GXYLT1: variants seen among roughly 807,000 people sequenced by gnomAD.
GXYLT1 encodes the protein glucoside xylosyltransferase 1.
GXYLT1 carries 29 observed loss-of-function variants against 54.0 expected under a neutral mutation model. The ratio of observed to expected loss-of-function variants is 0.54; its 90% confidence interval spans 0.40 to 0.73. The LOEUF is 0.73. Among genes scored for constraint, GXYLT1 ranks in the 30% least tolerant of loss-of-function variants. The pLI is 0.00. For synonymous variants in GXYLT1, 176 were observed against 204.1 expected, an observed-to-expected ratio of 0.86 and a Z score of 1.17; for missense variants, 490 against 553.4, an observed-to-expected ratio of 0.89 and a Z score of 1.15.
intron 7 of GXYLT1, among the ~76,000 whole-genome samples, chr12:42,090,153 AAC>A (rs774686221): frequency 3.3e-5 from 5 of 151,816 alleles, no homozygotes; most frequent in East Asian, 1.9e-4. Context: ...CTTAAATAAA[AAC>A]AGTGTCTCAT....
intron 3 of GXYLT1, among the ~76,000 whole-genome samples, chr12:42,111,355 G>A (rs1257036518): frequency 6.6e-6 from 1 of 152,228 alleles, no homozygotes; most frequent in African/African-American, 2.4e-5. Context: ...GGAAGAGCAA[G>A]GGGTCAGGGA....
intron 1 of GXYLT1, among the ~76,000 whole-genome samples, chr12:42,138,789 G>A (rs1447051015): frequency 6.6e-6 from 1 of 152,116 alleles, no homozygotes; most frequent in African/African-American, 2.4e-5. Flanking sequence ...GGGAGGCCGA[G>A]GCAGGTGGAT....
intron 7 of GXYLT1, among the ~76,000 whole-genome samples, chr12:42,094,789 T>G (rs1330520347): frequency 6.6e-6 from 1 of 152,068 alleles, no homozygotes; most frequent in African/African-American, 2.4e-5. Context: ...GTACTAATAT[T>G]CCTAACATAC....
intron 4 of GXYLT1, among the ~76,000 whole-genome samples, chr12:42,108,186 C>T (rs979463506): frequency 6.6e-6 from 1 of 152,146 alleles, no homozygotes; most frequent in Non-Finnish European, 1.5e-5. Flanking sequence ...AATGATCTGG[C>T]AAATTTCATG....
At chr12:42,098,554 C>T (rs1047779336) in intron 5 of GXYLT1, among the ~76,000 whole-genome samples, 14 of 151,142 alleles carry the variant, frequency 9.3e-5, no homozygotes, top group Non-Finnish European at 1.2e-4. Context: ...AAGTTAAACA[C>T]TAAAAAACAA....
intron 1 of GXYLT1, among the ~76,000 whole-genome samples, chr12:42,137,225 T>C (rs935354930): frequency 1.3e-5 from 2 of 151,936 alleles, no homozygotes; most frequent in African/African-American, 4.8e-5. Flanking sequence ...ATACAAAAAT[T>C]AGGCCAGGCG....
intron 7 of GXYLT1, among the ~76,000 whole-genome samples, chr12:42,095,033 T>G (rs920155171): frequency 6.6e-6 from 1 of 152,160 alleles, no homozygotes; most frequent in Non-Finnish European, 1.5e-5. Context: ...ATAAAAATAT[T>G]TCATAAATAT....
chr12:42,144,316 A>C (rs916078912), intron 1 of GXYLT1, 110 bp downstream of exon 1: 55 of 643,310 alleles, frequency 8.5e-5, no homozygotes, highest in Non-Finnish European at 1.2e-4. Flanking sequence ...CAGAGACAGG[A>C]GGAAAGACGC....
intron 1 of GXYLT1, among the ~76,000 whole-genome samples, chr12:42,135,410 T>C (rs1290417181): frequency 2.0e-5 from 3 of 152,254 alleles, no homozygotes; most frequent in Admixed American, 6.5e-5. Context: ...TGTAATTCAA[T>C]GGTTTTTCGT....
intron 5 of GXYLT1, 123 bp downstream of exon 5, chr12:42,105,694 AG>A: frequency 1.5e-6 from 1 of 645,676 alleles, no homozygotes; most frequent in Non-Finnish European, 2.6e-6. Flanking sequence ...TCTTCTAATG[AG>A]ATTATTCTAA....
chr12:42,107,116 G>A (rs1287393810), intron 4 of GXYLT1, among the ~76,000 whole-genome samples: 4 of 151,980 alleles, frequency 2.6e-5, no homozygotes, highest in Admixed American at 6.6e-5. Context: ...TAAATTTACC[G>A]CCTATCCTGG....
intron 5 of GXYLT1, among the ~76,000 whole-genome samples, chr12:42,101,524 A>C (rs374131464): frequency 6.6e-6 from 1 of 152,294 alleles, no homozygotes; most frequent in Middle Eastern, 3.4e-3. Flanking sequence ...AAGATGTATA[A>C]AAGAATCCTA....
intron 1 of GXYLT1, among the ~76,000 whole-genome samples, chr12:42,136,700 T>C (rs2065621206): frequency 6.6e-6 from 1 of 152,094 alleles, no homozygotes; most frequent in Non-Finnish European, 1.5e-5. Flanking sequence ...CTCGGCATAA[T>C]AACATTTGTC....
chr12:42,103,884 AAAAAAG>A, intron 5 of GXYLT1, among the ~76,000 whole-genome samples: 1 of 152,306 alleles, frequency 6.6e-6, no homozygotes, highest in Middle Eastern at 3.4e-3. Context: ...GTCACAGAAA[AAAAAAG>A]AAAAAGGGAA....
chr12:42,107,735 T>A (rs924880636), intron 4 of GXYLT1, among the ~76,000 whole-genome samples: 1 of 152,130 alleles, frequency 6.6e-6, no homozygotes, highest in African/African-American at 2.4e-5. Flanking sequence ...AGTCTGTATG[T>A]CTATCTCACT....
chr12:42,103,130 T>A (rs2065399658), intron 5 of GXYLT1, among the ~76,000 whole-genome samples: 4 of 152,186 alleles, frequency 2.6e-5, no homozygotes, highest in East Asian at 1.9e-4. Flanking sequence ...GCTCATTTTT[T>A]CTATTTTTAG....
chr12:42,136,418 G>C (rs1343740803), intron 1 of GXYLT1, among the ~76,000 whole-genome samples: 1 of 152,174 alleles, frequency 6.6e-6, no homozygotes, highest in African/African-American at 2.4e-5. Context: ...GCATTAATAT[G>C]AGTTAGGTGG....
rs140041049 is a variant in GXYLT1, at chr12:42,088,004, A to AG, written c.1162-58dup. 5.3e-4 allele frequency: 417 copies of AG among 783,524 alleles called. 3 individuals carry two copies. The African/African-American group carries it at 7.1e-3, about 13-fold the overall frequency. 48.5% of individuals were successfully genotyped at this position (783,524 alleles called of 1,614,324 possible). ...TTTAAAAGGCAAAGGTACATATGTA[A>AG]GTTCAATTATTTTCCAAACTTCTTC... On this transcript the variant is annotated intron_variant, in intron 7 of 7. Transcript: ENST00000398675.
At chr12:42,089,062 C>G (rs2065314006) in intron 7 of GXYLT1, among the ~76,000 whole-genome samples, 1 of 151,768 alleles carries the variant, frequency 6.6e-6, no homozygotes, top group Non-Finnish European at 1.5e-5. Flanking sequence ...CTGCATAAAA[C>G]CATCACCCTT....
Sources: allele counts gnomAD v4.1 joint callset (sites outside exome capture counted in the v4.1 genomes callset), GRCh38; gene constraint gnomAD v4.1.1; transcripts MANE v1.5; gene names NCBI Gene and HGNC (gene_info 2026-07-23, HGNC 2026-07-21).